Variants in NALCN observed in about 807,000 individuals in gnomAD.
NALCN encodes sodium leak channel, non-selective.
A neutral mutation model predicts 225.3 loss-of-function variants in NALCN; 111 were observed. The ratio of observed to expected loss-of-function variants is 0.49; its 90% CI spans 0.42 to 0.58. NALCN has a LOEUF of 0.58. Among genes scored for constraint, NALCN ranks in the 20% least tolerant of loss-of-function variants. The pLI is 0.00. For missense variants in NALCN, 1,378 were observed against 2,202.4 expected (o/e 0.63, Z 7.49); for synonymous variants, 764 against 769.0 (o/e 0.99, Z 0.11).
intron 13 of NALCN, among the ~76,000 whole-genome samples, chr13:101,216,469 T>C (rs1326884231): frequency 6.6e-6 from 1 of 152,018 alleles, no homozygotes; most frequent in Non-Finnish European, 1.5e-5. Flanking sequence ...TATTGCAATT[T>C]AGTGTTTGTT....
At position 101,292,340 on chromosome 13, in the gene NALCN, C is replaced by T; in HGVS notation, c.826G>A (p.Ala276Thr). The change falls in exon 8 of 44, where the codon GCC becomes ACC. Residue 276 changes from alanine (A) to threonine (T), a missense_variant. Coordinates refer to ENST00000251127, the MANE Select transcript of NALCN (RefSeq NM_052867.4). The surrounding 1 kb of genome is among the most constrained non-coding windows in gnomAD (Gnocchi z 4.3). ...IGTSIFTVYE[A>T]ASQEGWVFLM... ...AACACCCAGCCTTCCTGTGAGGCGG[C>T]CTCATAGACGGTGAATATACTAGTT... 1 of 1,614,064 alleles carries T rather than the reference C, an allele frequency of 6.2e-7. No individual in the cohort carries two copies. Among genetic ancestry groups the T allele is most frequent in the Non-Finnish European group, 8.5e-7 (1 of 1,180,014 alleles).
intron 22 of NALCN, among the ~76,000 whole-genome samples, chr13:101,106,009 A>G (rs80354169): frequency 0.1 from 15,545 of 152,248 alleles, 858 homozygotes; most frequent in Non-Finnish European, 0.13. Context: ...CTCAAGCAAC[A>G]TAAGTTTATT....
chr13:101,124,147 A>G (rs1021894555), intron 18 of NALCN, among the ~76,000 whole-genome samples: 1 of 152,248 alleles, frequency 6.6e-6, no homozygotes, highest in Non-Finnish European at 1.5e-5. Context: ...AGAAAGTAGC[A>G]TTAAAAGCAT....
chr13:101,357,846 C>A lies in NALCN; in HGVS notation c.645-12426G>T, dbSNP rs2046108564. ...CTGGTACCAAAACAGCCATATAGACCAATGGAACAGAACAGAGACCTCAGA... is the reference window on the plus strand; with the variant it reads ...CTGGTACCAAAACAGCCATATAGACAAATGGAACAGAACAGAGACCTCAGA... On this transcript the variant is annotated intron_variant, in intron 6 of 43. Coordinates refer to ENST00000251127, the MANE Select transcript of NALCN (RefSeq NM_052867.4). Among the ~76,000 whole-genome samples, 3 of 152,082 alleles carry A rather than the reference C, an allele frequency of 2.0e-5. No homozygotes were observed. In the South Asian group the frequency reaches 6.2e-4, roughly 32 times the overall value.
intron 37 of NALCN, among the ~76,000 whole-genome samples, chr13:101,073,071 A>G (rs1352585784): frequency 1.2e-4 from 19 of 152,220 alleles, no homozygotes; most frequent in Admixed American, 1.2e-3. Context: ...GCTTAAGGCA[A>G]AAGACCTGTT....
At chr13:101,380,382 G>C (rs1365505489) in intron 3 of NALCN, among the ~76,000 whole-genome samples, 1 of 152,098 alleles carries the variant, frequency 6.6e-6, no homozygotes, top group Non-Finnish European at 1.5e-5. Flanking sequence ...ACATTAGAAT[G>C]CTTTAATAAC....
At chr13:101,254,105 A>G (rs2042141548) in intron 11 of NALCN, among the ~76,000 whole-genome samples, 1 of 152,156 alleles carries the variant, frequency 6.6e-6, no homozygotes, top group South Asian at 2.1e-4. Flanking sequence ...TGGAACGGCC[A>G]GGAGTGATGG....
In NALCN at chr13:101,104,280, T is replaced by C; in HGVS notation, c.2889+15A>G. ...ACCATTACATTTTTCATTTAGGCAA[T>C]AAGCAAAGACTTACAAGATATATAA... is the stretch of plus-strand genomic sequence containing the variant. On this transcript the variant is annotated intron_variant, in intron 25 of 43. Transcript: ENST00000251127. The surrounding 1 kb of genome is among the most constrained non-coding windows in gnomAD (Gnocchi z 4.2). 6 of 1,579,104 alleles carry C rather than the reference T, an allele frequency of 3.8e-6. No homozygotes were observed. Among genetic ancestry groups the C allele is most frequent in the Non-Finnish European group, 4.3e-6 (5 of 1,167,630 alleles).
intron 11 of NALCN, among the ~76,000 whole-genome samples, chr13:101,249,755 T>C (rs1178946820): frequency 2.0e-5 from 3 of 152,088 alleles, no homozygotes; most frequent in Admixed American, 6.5e-5. Context: ...TTTATTAACA[T>C]GATGAAAGGC....
chr13:101,363,063 T>C (rs1310713718), intron 6 of NALCN, among the ~76,000 whole-genome samples: 2 of 152,014 alleles, frequency 1.3e-5, no homozygotes, highest in Non-Finnish European at 2.9e-5. Flanking sequence ...ATGAAAACTA[T>C]AACACTCTGA....
Position 101,303,161 on chromosome 13 carries a change from C to G in NALCN, c.800-10795G>C, listed in dbSNP as rs561685428. On this transcript the variant is annotated intron_variant, in intron 7 of 43. Coordinates refer to ENST00000251127, the MANE Select transcript of NALCN (RefSeq NM_052867.4). ...CTTGTTATGAAGACAGGATTGATAA[C>G]TTCCAAGCTCTTTACAAGCAGAAAC... Among the ~76,000 whole-genome samples the G allele has an allele frequency of 2.0e-5, 3 of 152,242 alleles. No homozygotes were observed. The East Asian group carries it at 5.8e-4, about 29-fold the overall frequency.
chr13:101,085,159 ATTCT>A (rs879939441), intron 30 of NALCN, among the ~76,000 whole-genome samples: 2 of 152,022 alleles, frequency 1.3e-5, no homozygotes, highest in Admixed American at 1.3e-4. Flanking sequence ...GTTTGTAGAG[ATTCT>A]TTATACATGC....
In NALCN at chr13:101,312,090, A is replaced by G. The variant is rs867783791; in HGVS notation, c.800-19724T>C. Among the ~76,000 whole-genome samples the G allele has an allele frequency of 4.4e-3, 665 of 152,178 alleles. 4 individuals are homozygous for G. The highest frequency in any genetic ancestry group is 0.015 in the African/African-American group (628 of 41,528). On this transcript the variant is annotated intron_variant, in intron 7 of 43. Transcript: ENST00000251127. ...AACTTCTTCCTGGTTTAGTCTTGGG[A>G]GGGTGTACGTGTCGAGGAATTTATC...
intron 3 of NALCN, among the ~76,000 whole-genome samples, chr13:101,389,640 G>A (rs1033440101): frequency 2.6e-5 from 4 of 152,148 alleles, no homozygotes; most frequent in Non-Finnish European, 5.9e-5. Context: ...TAACAACAGT[G>A]GAGGGACCCC....
rs548796126 is a variant in NALCN, at chr13:101,203,429, C to T, written c.1627-11375G>A. 2.7e-3 allele frequency among the ~76,000 whole-genome samples: 408 copies of T among 152,230 alleles called. 1 individual carries two copies. Among genetic ancestry groups the T allele is most frequent in the African/African-American group, 9.2e-3 (384 of 41,552 alleles). On this transcript the variant is annotated intron_variant, in intron 13 of 43. Transcript: ENST00000251127. ...ACGGGGTTTCACCATGTTGGCCAGG[C>T]TGGTCTTGAACTCCTGACCTCAGGT...
intron 15 of NALCN, among the ~76,000 whole-genome samples, chr13:101,147,888 C>T: frequency 6.6e-6 from 1 of 152,158 alleles, no homozygotes; most frequent in East Asian, 1.9e-4. Flanking sequence ...TGCTGGCCCT[C>T]TGCTGGGTTC....
rs193168308 is a variant in NALCN at position 101,211,077 on chromosome 13, T to A, written c.1626+18316A>T. Among the ~76,000 whole-genome samples, 6 of 152,240 alleles carry A rather than the reference T, an allele frequency of 3.9e-5. No individual in the cohort carries two copies. In the East Asian group the frequency reaches 1.2e-3, roughly 29 times the overall value. ...ACTGTCCTCTTTTTGTAGGCAAGAA[T>A]CCACAAAATATTTAATAACACGGTC... On this transcript the variant is annotated intron_variant, in intron 13 of 43. Transcript: ENST00000251127.
chr13:101,106,852 C>T (rs888810762), intron 22 of NALCN, among the ~76,000 whole-genome samples: 4 of 152,160 alleles, frequency 2.6e-5, no homozygotes, highest in African/African-American at 4.8e-5. Context: ...TTATCAGTGG[C>T]ATGAAAATGG....
Position 101,104,847 on chromosome 13 carries a change from C to T in NALCN, c.2636+47G>A. 6.2e-7 allele frequency: 1 copy of T among 1,600,530 alleles called. No individual in the cohort carries two copies. Among genetic ancestry groups the T allele is most frequent in the Non-Finnish European group, 8.6e-7 (1 of 1,168,178 alleles). On this transcript the variant is annotated intron_variant, in intron 23 of 43. Coordinates refer to ENST00000251127, the MANE Select transcript of NALCN (RefSeq NM_052867.4). This position sits in a 1 kb window ranked among gnomAD's most constrained non-coding sequence, Gnocchi z 4.2. ...TCGTTGTATGCAGCATAAAATAGTA[C>T]ATGAAAACTTTAAATGTGCATGGAA...
Sources: gnomAD v4.1 joint callset for allele counts (sites outside exome capture counted in the v4.1 genomes callset) on GRCh38, gnomAD v4.1.1 for gene constraint, Gnocchi (gnomAD v3.1) non-coding constraint, MANE v1.5 for transcripts, NCBI Gene and HGNC (gene_info 2026-07-23, HGNC 2026-07-21) for gene names.